Variants in FBXL7 observed in about 807,000 individuals in gnomAD.
The protein encoded by FBXL7 is F-box and leucine rich repeat protein 7.
FBXL7 carries 12 observed loss-of-function variants against 38.3 expected under a neutral mutation model. That is an observed-to-expected ratio of 0.31 (90% confidence interval 0.20 to 0.51). The LOEUF (loss-of-function observed/expected upper bound fraction) is 0.51. Ranked by LOEUF, FBXL7 falls within the 20% of genes least tolerant of loss-of-function variation. The pLI, the probability that FBXL7 is intolerant of heterozygous loss-of-function variation, is 0.98. For synonymous variants in FBXL7, 297 were observed against 300.9 expected (o/e 0.99, Z 0.13); for missense variants, 567 against 676.4 (o/e 0.84, Z 1.79).
chr5:15,757,111 T>A lies in FBXL7; in HGVS notation c.127+141039T>A, dbSNP rs145711248. On this transcript the variant is annotated intron_variant, in intron 2 of 3. Coordinates refer to ENST00000504595, the MANE Select transcript of FBXL7 (RefSeq NM_012304.5). ...GAACCTCAAAAAGTAAATCAGTGAG[T>A]GGATGTAGGAATTGGGGTAAATGAG... Among the ~76,000 whole-genome samples the A allele has an allele frequency of 3.3e-3, 494 of 151,972 alleles. 2 individuals carry two copies. The highest frequency in any genetic ancestry group is 0.011 in the African/African-American group (448 of 41,428).
At chr5:15,654,397 G>T (rs1741808194) in intron 2 of FBXL7, among the ~76,000 whole-genome samples, 1 of 147,060 alleles carries the variant, frequency 6.8e-6, no homozygotes, top group African/African-American at 2.5e-5. Flanking sequence ...TTCTGTATGG[G>T]AGGAAAATTC....
chr5:15,503,577 A>G (rs753085100), intron 1 of FBXL7, among the ~76,000 whole-genome samples: 3 of 152,196 alleles, frequency 2.0e-5, no homozygotes, highest in Non-Finnish European at 4.4e-5. Context: ...TCTGTACCTT[A>G]CTTCCGATTT....
At chr5:15,824,376 A>C (rs257756) in intron 2 of FBXL7, among the ~76,000 whole-genome samples, 80,456 of 150,834 alleles carry the variant, frequency 0.53, 22,641 homozygotes, top group Non-Finnish European at 0.64. Flanking sequence ...TGTTGTTCCT[A>C]CCTGACTGTG....
intron 1 of FBXL7, among the ~76,000 whole-genome samples, chr5:15,611,452 GC>G (rs1204234151): frequency 6.6e-6 from 1 of 151,602 alleles, no homozygotes; most frequent in African/African-American, 2.4e-5. Flanking sequence ...GATAAGCTTT[GC>G]TCAGACACGA....
chr5:15,651,405 T>G (rs1188259504), intron 2 of FBXL7, among the ~76,000 whole-genome samples: 2 of 152,168 alleles, frequency 1.3e-5, no homozygotes, highest in African/African-American at 4.8e-5. Flanking sequence ...AACATACTTC[T>G]TAATAAGAAT....
intron 1 of FBXL7, among the ~76,000 whole-genome samples, chr5:15,593,679 G>GT (rs1010390885): frequency 5.3e-5 from 8 of 152,126 alleles, no homozygotes; most frequent in Admixed American, 5.2e-4. Flanking sequence ...AAATGTACAG[G>GT]TTTTTTGTTT....
chr5:15,519,898 A>G (rs1439392893), intron 1 of FBXL7, among the ~76,000 whole-genome samples: 2 of 152,218 alleles, frequency 1.3e-5, no homozygotes, highest in African/African-American at 4.8e-5. Flanking sequence ...GAGTCCATAC[A>G]TTAAAGTGAA....
intron 2 of FBXL7, among the ~76,000 whole-genome samples, chr5:15,653,196 G>A (rs755021356): frequency 1.3e-5 from 2 of 152,254 alleles, no homozygotes; most frequent in East Asian, 3.9e-4. Flanking sequence ...TTGAAATATT[G>A]TGAGAATTAT....
At chr5:15,758,936 CTAT>C in intron 2 of FBXL7, among the ~76,000 whole-genome samples, 1 of 152,220 alleles carries the variant, frequency 6.6e-6, no homozygotes, top group Admixed American at 6.6e-5. Context: ...TGACAAGCAG[CTAT>C]TATTATTTTA....
chr5:15,545,162 G>A (rs1282035236), intron 1 of FBXL7, among the ~76,000 whole-genome samples: 2 of 152,044 alleles, frequency 1.3e-5, no homozygotes, highest in African/African-American at 4.8e-5. Flanking sequence ...CATTGGACCC[G>A]TATTTCACAA....
intron 2 of FBXL7, among the ~76,000 whole-genome samples, chr5:15,809,216 A>G (rs973220939): frequency 3.9e-5 from 6 of 152,040 alleles, no homozygotes; most frequent in African/African-American, 1.4e-4. Context: ...TGGATACCTT[A>G]CCCAGATGGT....
intron 1 of FBXL7, chr5:15,607,359 T>A (rs971889717): frequency 1.3e-5 from 2 of 152,164 alleles, no homozygotes. Flanking sequence ...GGAATAGATA[T>A]CATGAATCAG....
rs1742201434 is a variant in FBXL7 at position 15,936,718 on chromosome 5, C to T, written c.1008C>T (p.Phe336=). Residue 336 remains phenylalanine (F), a synonymous_variant, in exon 4 of 4, where the codon TTC becomes TTT. Coordinates refer to ENST00000504595, the MANE Select transcript of FBXL7 (RefSeq NM_012304.5). This position sits in a 1 kb window ranked among gnomAD's most constrained non-coding sequence, Gnocchi z 6.0. ...IKELSVSDCR[F]VSDFGLREIA... Reference sequence around the variant, plus strand: ...AGCTGAGCGTCAGCGACTGCCGCTTCGTCAGCGACTTCGGCCTGCGGGAGA... The same window carrying T: ...AGCTGAGCGTCAGCGACTGCCGCTTTGTCAGCGACTTCGGCCTGCGGGAGA... The T allele has an allele frequency of 1.2e-6, 2 of 1,608,558 alleles. No homozygotes were observed. Among genetic ancestry groups the T allele is most frequent in the Non-Finnish European group, 1.7e-6 (2 of 1,179,428 alleles).
At chr5:15,836,919 C>A (rs570755831) in intron 2 of FBXL7, among the ~76,000 whole-genome samples, 62 of 152,232 alleles carry the variant, frequency 4.1e-4, no homozygotes, top group African/African-American at 1.3e-3. Context: ...CCAGGCAAGA[C>A]CCCTCTTGTT....
At chr5:15,749,609 A>G (rs961124232) in intron 2 of FBXL7, among the ~76,000 whole-genome samples, 1 of 152,214 alleles carries the variant, frequency 6.6e-6, no homozygotes, top group South Asian at 2.1e-4. Flanking sequence ...CCTGGGGGAC[A>G]GAGCGAGACT....
chr5:15,876,013 C>A (rs561188476), intron 2 of FBXL7, among the ~76,000 whole-genome samples: 1 of 152,296 alleles, frequency 6.6e-6, no homozygotes, highest in South Asian at 2.1e-4. Context: ...AGATGCCCAT[C>A]AGTGATAGAC....
In FBXL7 at chr5:15,936,802, C is replaced by G; in HGVS notation, c.1092C>G (p.Thr364=). ...YLSIAHCGRV[T]DVGIRYVAKY... ...GCATCGCGCACTGCGGCCGGGTCACCGACGTGGGCATCCGCTACGTGGCCA... is the reference window on the plus strand; with the variant it reads ...GCATCGCGCACTGCGGCCGGGTCACGGACGTGGGCATCCGCTACGTGGCCA... The change falls in exon 4 of 4, where the codon ACC becomes ACG. Residue 364 remains threonine (T), a synonymous_variant. Coordinates refer to ENST00000504595, the MANE Select transcript of FBXL7 (RefSeq NM_012304.5). The surrounding 1 kb of genome is among the most constrained non-coding windows in gnomAD (Gnocchi z 6.0). The G allele has an allele frequency of 6.2e-7, 1 of 1,612,582 alleles. No homozygotes were observed. Among genetic ancestry groups the G allele is most frequent in the South Asian group, 1.1e-5 (1 of 90,880 alleles).
intron 2 of FBXL7, among the ~76,000 whole-genome samples, chr5:15,703,654 A>T (rs1743596092): frequency 6.6e-6 from 1 of 152,200 alleles, no homozygotes; most frequent in Non-Finnish European, 1.5e-5. Context: ...TGTCCTAGGA[A>T]TTTCATGAAG....
At chr5:15,810,756 T>C (rs566049115) in intron 2 of FBXL7, among the ~76,000 whole-genome samples, 5 of 152,286 alleles carry the variant, frequency 3.3e-5, no homozygotes, top group South Asian at 2.1e-4. Context: ...TGAAATGAAA[T>C]AATAAATTGT....
Sources: gnomAD v4.1 joint callset for allele counts (sites outside exome capture counted in the v4.1 genomes callset) on GRCh38, gnomAD v4.1.1 for gene constraint, Gnocchi (gnomAD v3.1) non-coding constraint, MANE v1.5 for transcripts, NCBI Gene and HGNC (gene_info 2026-07-23, HGNC 2026-07-21) for gene names.